Variants in UTP20 observed in about 807,000 individuals in gnomAD.
UTP20 encodes the protein small subunit processome component 20 homolog.
A neutral mutation model predicts 329.5 loss-of-function variants in UTP20; 164 were observed. The ratio of observed to expected loss-of-function variants is 0.50; its 90% CI spans 0.44 to 0.57. The LOEUF (loss-of-function observed/expected upper bound fraction) is 0.57, where lower values mean the gene tolerates loss of function less well. Among genes scored for constraint, UTP20 ranks in the 20% least tolerant of loss-of-function variants. The pLI, the probability that UTP20 is intolerant of heterozygous loss-of-function variation, is 0.00. For synonymous variants in UTP20, 1,151 were observed against 1,159.3 expected (o/e 0.99, Z 0.14); for missense variants, 3,055 against 3,284.2 (o/e 0.93, Z 1.71).
chr12:101,385,970 T>A lies in UTP20; in HGVS notation c.8205T>A (p.Phe2735Leu). Residue 2735 changes from phenylalanine to leucine, a missense_variant and splice_region_variant, in exon 62 of 62, where the codon TTT becomes TTA. Coordinates refer to ENST00000261637, the MANE Select transcript of UTP20 (RefSeq NM_014503.3). ...ALRKKRKALE[F>L]VTNPDIAAKK... is the part of the protein sequence containing the mutation. ...AAAATTTCTATTCTCTTTTCCAGTTTGTAACTAATCCTGATATTGCTGCCA... is the reference window on the plus strand; with the variant it reads ...AAAATTTCTATTCTCTTTTCCAGTTAGTAACTAATCCTGATATTGCTGCCA... 2.6e-6 allele frequency: 4 copies of A among 1,567,992 alleles called. No individual in the cohort carries two copies. The highest frequency in any genetic ancestry group is 3.5e-6 in the Non-Finnish European group (4 of 1,155,546).
chr12:101,319,506 C>T, intron 22 of UTP20, 39 bp from the exon 23 acceptor site: 1 of 1,496,418 alleles, frequency 6.7e-7, no homozygotes, highest in Non-Finnish European at 9.1e-7. Context: ...GATCTCAATT[C>T]TTTAATTCTG....
chr12:101,344,812 G>A lies in UTP20; in HGVS notation c.4605+62G>A, dbSNP rs183741623. 43 of 1,464,292 alleles carry A rather than the reference G, an allele frequency of 2.9e-5. 1 individual carries two copies. In the South Asian group the frequency reaches 3.3e-4, roughly 11 times the overall value. The allele number at this position is 1,464,292 out of a possible 1,614,324, so 90.7% of individuals were successfully genotyped here. On this transcript the variant is annotated intron_variant, in intron 36 of 61. Transcript: ENST00000261637. Reference sequence around the variant, plus strand: ...GCTGTGTTTTGTTTTGTTTTCCCACGTTTGCTACTGTTGTATAGAAAAGTA... The same window carrying A: ...GCTGTGTTTTGTTTTGTTTTCCCACATTTGCTACTGTTGTATAGAAAAGTA...
chr12:101,383,297 C>G lies in UTP20; in HGVS notation c.7913C>G (p.Pro2638Arg). The G allele has an allele frequency of 6.2e-7, 1 of 1,613,720 alleles. No individual in the cohort carries two copies. Among genetic ancestry groups the G allele is most frequent in the Non-Finnish European group, 8.5e-7 (1 of 1,179,948 alleles). The change falls in exon 59 of 62, where the codon CCG becomes CGG. Residue 2638 changes from proline (P) to arginine (R), a missense_variant. Physicochemically the swap from Pro to Arg is moderately radical, Grantham distance 103. Transcript: ENST00000261637. ...GCAAAACTGGAAGCTGCTTATTCGC[C>G]GAGAAACCCCTTAAAGGTGCGATGA... ...RIAKLEAAYSPRNPLKRTCIF... is the reference protein window; with the variant it reads ...RIAKLEAAYSRRNPLKRTCIF...
chr12:101,299,699 A>G lies in UTP20; in HGVS notation c.1448A>G (p.Lys483Arg). The G allele has an allele frequency of 6.3e-7, 1 of 1,592,890 alleles. No homozygotes were observed. The highest frequency in any genetic ancestry group is 1.2e-5 in the South Asian group (1 of 86,166). ...PQMVGFYIKQ[K>R]KTRSKGRNEQ... ...TCCTTCAGATTCTATATAAAGCAGA[A>G]GAAGACTAGATCCAAGGGAAGAAAC... Residue 483 changes from lysine (K) to arginine (R), a missense_variant, in exon 13 of 62, where the codon AAG becomes AGG. This residue lies in a region of UTP20 where 2,445 missense variants were observed against 2,575.5 expected (regional missense o/e 0.95). Coordinates refer to ENST00000261637, the MANE Select transcript of UTP20 (RefSeq NM_014503.3).
chr12:101,287,886 C>T (rs1003607031), intron 5 of UTP20, among the ~76,000 whole-genome samples: 1 of 152,134 alleles, frequency 6.6e-6, no homozygotes, highest in African/African-American at 2.4e-5. Context: ...GGGCACATGC[C>T]CGGGAGAAGT....
intron 43 of UTP20, 74 bp downstream of exon 43, chr12:101,357,156 A>G (rs1869752723): frequency 3.5e-6 from 5 of 1,418,756 alleles, no homozygotes; most frequent in Non-Finnish European, 3.8e-6. Context: ...ACTGTAAGTT[A>G]TGGAACTTTG....
At position 101,356,979 on chromosome 12, in the gene UTP20, A is replaced by G; in HGVS notation, c.5588A>G (p.Asp1863Gly). ...AAGAACAGAGCCCAAGAAATCAGAG[A>G]CATTGCACGCAGCACTCTTGCGAAA... ...LLKNRAQEIR[D>G]IARSTLAKII... The change falls in exon 43 of 62, where the codon GAC (aspartate) becomes GGC (glycine). Residue 1863 changes from aspartate (D) to glycine (G), a missense_variant. Physicochemically the swap from Asp to Gly is moderately conservative, Grantham distance 94 (BLOSUM62 -1). Coordinates refer to ENST00000261637, the MANE Select transcript of UTP20 (RefSeq NM_014503.3). The G allele has an allele frequency of 6.2e-7, 1 of 1,614,124 alleles. No homozygotes were observed. Among genetic ancestry groups the G allele is most frequent in the Non-Finnish European group, 8.5e-7 (1 of 1,180,000 alleles).
Position 101,299,776 on chromosome 12 carries a change from A to C in UTP20, c.1525A>C (p.Asn509His), listed in dbSNP as rs764927303. The change falls in exon 13 of 62, where the codon AAT becomes CAT. Residue 509 changes from asparagine to histidine, a missense_variant. Asn to His is a moderately conservative substitution (Grantham distance 68, BLOSUM62 1). Coordinates refer to ENST00000261637, the MANE Select transcript of UTP20 (RefSeq NM_014503.3). ...HLLSIIKLPPNKDTTYLSQSW... is the reference protein window; with the variant it reads ...HLLSIIKLPPHKDTTYLSQSW... ...TTTATCTATAATTAAGTTACCCCCA[A>C]ATAAAGATACTACTTACCTTTCACA... is the stretch of plus-strand genomic sequence containing the variant. The C allele has an allele frequency of 5.6e-6, 9 of 1,613,346 alleles. No homozygotes were observed. The highest frequency in any genetic ancestry group is 6.8e-6 in the Non-Finnish European group (8 of 1,179,772).
At chr12:101,307,038 C>A (rs533367237) in intron 17 of UTP20, among the ~76,000 whole-genome samples, 1 of 151,772 alleles carries the variant, frequency 6.6e-6, no homozygotes, top group Non-Finnish European at 1.5e-5. Flanking sequence ...ATTAGCCAGG[C>A]GTGGTGGCGG....
intron 15 of UTP20, among the ~76,000 whole-genome samples, chr12:101,302,901 G>A (rs1328546908): frequency 9.9e-5 from 15 of 152,218 alleles, no homozygotes; most frequent in Admixed American, 5.9e-4. Flanking sequence ...ACTCTTGTTC[G>A]GCCTCAACTT....
intron 47 of UTP20, among the ~76,000 whole-genome samples, chr12:101,367,299 AAAAAT>A (rs1009888655): frequency 1.3e-5 from 2 of 152,170 alleles, no homozygotes; most frequent in African/African-American, 2.4e-5. Context: ...AAATAAAAAT[AAAAAT>A]AAAATAAAAG....
chr12:101,290,945 T>C (rs754951979), intron 8 of UTP20, 57 bp downstream of exon 8: 25 of 1,550,130 alleles, frequency 1.6e-5, no homozygotes, highest in Admixed American at 8.2e-5. Context: ...ATTTACTGTT[T>C]CTGCTCTCAG....
chr12:101,293,163 CA>C lies in UTP20; in HGVS notation c.1174-4del. The C allele has an allele frequency of 6.2e-7, 1 of 1,613,632 alleles. No homozygotes were observed. Among genetic ancestry groups the C allele is most frequent in the Non-Finnish European group, 8.5e-7 (1 of 1,179,652 alleles). On this transcript the variant is annotated splice_polypyrimidine_tract_variant and splice_region_variant and intron_variant, in intron 10 of 61. Transcript: ENST00000261637. ...TTACATTAATATTTTTTACCTTGGT[CA>C]CAGATATTTGAGAGCAGATTTGAAA...
Position 101,372,875 on chromosome 12 carries a change from T to C in UTP20, c.6799-9T>C. 6.2e-7 allele frequency: 1 copy of C among 1,611,222 alleles called. No individual in the cohort carries two copies. The highest frequency in any genetic ancestry group is 1.1e-5 in the South Asian group (1 of 91,032). ...TCCAAATAATCATCTGTGTGACTTT[T>C]GTTCCTAGGTTTTTCTGAAATATAT... On this transcript the variant is annotated splice_polypyrimidine_tract_variant and intron_variant, in intron 51 of 61. Transcript: ENST00000261637.
At chr12:101,383,823 T>C (rs1161693263) in intron 60 of UTP20, among the ~76,000 whole-genome samples, 154 bp downstream of exon 60, 1 of 132,832 alleles carries the variant, frequency 7.5e-6, no homozygotes, top group Non-Finnish European at 1.7e-5. Context: ...TACTTATATA[T>C]GTTTATATTT....
At chr12:101,305,407 G>T (rs1872620365) in intron 15 of UTP20, among the ~76,000 whole-genome samples, 1 of 151,526 alleles carries the variant, frequency 6.6e-6, no homozygotes, top group Non-Finnish European at 1.5e-5. Context: ...AGGTTACACT[G>T]CTTATGAGTA....
intron 25 of UTP20, among the ~76,000 whole-genome samples, chr12:101,325,420 G>A (rs1282569585): frequency 6.6e-6 from 1 of 152,196 alleles, no homozygotes; most frequent in Non-Finnish European, 1.5e-5. Flanking sequence ...CTTTTTCACT[G>A]TGTTGACATT....
At chr12:101,318,167 T>C (rs1368430489) in intron 22 of UTP20, among the ~76,000 whole-genome samples, 1 of 152,210 alleles carries the variant, frequency 6.6e-6, no homozygotes, top group Non-Finnish European at 1.5e-5. Flanking sequence ...GCTGTTGTTA[T>C]ACTCTCTTTC....
At chr12:101,314,046 G>A (rs1016558596) in intron 21 of UTP20, among the ~76,000 whole-genome samples, 4 of 152,088 alleles carry the variant, frequency 2.6e-5, no homozygotes, top group South Asian at 4.2e-4. Context: ...GATCAGATAC[G>A]GAATAAAGTC....
Sources: allele counts gnomAD v4.1 joint callset (sites outside exome capture counted in the v4.1 genomes callset), GRCh38; gene constraint gnomAD v4.1.1; regional missense constraint gnomAD v4.1.1; transcripts MANE v1.5; gene names NCBI Gene and HGNC (gene_info 2026-07-23, HGNC 2026-07-21).